RALGPS2: variants seen among roughly 807,000 people sequenced by gnomAD.
RALGPS2 encodes Ral GEF with PH domain and SH3 binding motif 2.
RALGPS2 carries 43 observed loss-of-function variants against 86.8 expected under a neutral mutation model. The ratio of observed to expected loss-of-function variants is 0.50; its 90% CI spans 0.39 to 0.64. RALGPS2 has a LOEUF of 0.64. Ranked by LOEUF, RALGPS2 falls within the 30% of genes least tolerant of loss-of-function variation. RALGPS2 has a pLI of 0.00. For missense variants in RALGPS2, 536 were observed against 694.6 expected (o/e 0.77, Z 2.57); for synonymous variants, 243 against 231.3 (o/e 1.05, Z -0.46).
chr1:178,811,332 TAGAG>T lies in RALGPS2; in HGVS notation c.319_322del (p.Glu107PhefsTer7), dbSNP rs1267664947. On this transcript the variant is annotated frameshift_variant, in exon 6 of 20. Transcript: ENST00000367635. LOFTEE classifies it high-confidence loss of function. The stretch of plus-strand genomic sequence containing the variant: ...ATTTACAGGTAAGCTTTTGGGTTGT[TAGAG>T]AGATTCTTCATGCTCAAACATTAAA... 2.6e-6 allele frequency: 4 copies of T among 1,549,664 alleles called. No individual in the cohort carries two copies. The highest frequency in any genetic ancestry group is 2.9e-5 in the African/African-American group (2 of 69,920).
At chr1:178,846,356 T>C (rs931352109) in intron 8 of RALGPS2, among the ~76,000 whole-genome samples, 1 of 152,174 alleles carries the variant, frequency 6.6e-6, no homozygotes, top group Admixed American at 6.5e-5. Context: ...TACCCTATTC[T>C]TTTAATTATA....
intron 1 of RALGPS2, among the ~76,000 whole-genome samples, chr1:178,745,085 T>A (rs1254839186): frequency 6.6e-6 from 1 of 152,210 alleles, no homozygotes; most frequent in Non-Finnish European, 1.5e-5. Context: ...TACTGTTAAT[T>A]ACACAGCATC....
chr1:178,831,703 A>G (rs1656030630), intron 7 of RALGPS2, among the ~76,000 whole-genome samples: 1 of 151,028 alleles, frequency 6.6e-6, no homozygotes, highest in Admixed American at 6.6e-5. Context: ...TATAAATATC[A>G]AAAGAAGATT....
At chr1:178,901,161 AAAG>A (rs1411642992) in intron 17 of RALGPS2, among the ~76,000 whole-genome samples, 1 of 152,032 alleles carries the variant, frequency 6.6e-6, no homozygotes, top group Non-Finnish European at 1.5e-5. Flanking sequence ...CATACATACA[AAAG>A]AAGATAGGTA....
At chr1:178,837,576 A>G (rs1023703988) in intron 8 of RALGPS2, among the ~76,000 whole-genome samples, 13 of 152,202 alleles carry the variant, frequency 8.5e-5, no homozygotes, top group Non-Finnish European at 1.8e-4. Flanking sequence ...GCCGAACAGG[A>G]ACAACTCCAG....
At chr1:178,867,214 T>G (rs927951577) in intron 8 of RALGPS2, among the ~76,000 whole-genome samples, 1 of 152,176 alleles carries the variant, frequency 6.6e-6, no homozygotes, top group African/African-American at 2.4e-5. Context: ...GGCACTGTTT[T>G]AAGCCATTTT....
intron 1 of RALGPS2, among the ~76,000 whole-genome samples, chr1:178,731,314 C>T (rs771347919): frequency 1.8e-4 from 19 of 106,846 alleles, no homozygotes; most frequent in Non-Finnish European, 2.9e-4. Context: ...GACAGAGTCT[C>T]CTCTGTCCCC....
chr1:178,783,931 A>G (rs891966836), intron 2 of RALGPS2, among the ~76,000 whole-genome samples: 1 of 152,284 alleles, frequency 6.6e-6, no homozygotes, highest in East Asian at 1.9e-4. Context: ...TATTAATTGT[A>G]CTATCACAAA....
At chr1:178,897,440 C>A (rs1659997904) in intron 16 of RALGPS2, among the ~76,000 whole-genome samples, 1 of 152,086 alleles carries the variant, frequency 6.6e-6, no homozygotes, top group Middle Eastern at 3.4e-3. Flanking sequence ...GTTAACTATT[C>A]TTTTGTAGCT....
At chr1:178,772,295 T>C (rs1652849294) in intron 1 of RALGPS2, among the ~76,000 whole-genome samples, 1 of 152,336 alleles carries the variant, frequency 6.6e-6, no homozygotes, top group East Asian at 1.9e-4. Context: ...TATGGGGTAG[T>C]CTTCTGAGTA....
chr1:178,730,366 A>T (rs1339028005), intron 1 of RALGPS2, among the ~76,000 whole-genome samples: 2 of 152,206 alleles, frequency 1.3e-5, no homozygotes, highest in African/African-American at 4.8e-5. Context: ...TCTTCCCAAT[A>T]TAGTCATGCT....
intron 1 of RALGPS2, chr1:178,746,579 G>A: frequency 1.5e-6 from 1 of 684,208 alleles, no homozygotes; most frequent in South Asian, 1.5e-5. Flanking sequence ...GCAATCTAGA[G>A]GGTTAGCGAG....
At chr1:178,747,181 G>A (rs1651385029) in intron 1 of RALGPS2, 10 of 1,090,298 alleles carry the variant, frequency 9.2e-6, no homozygotes, top group Non-Finnish European at 1.1e-5. Flanking sequence ...AGGTGCTGGA[G>A]CGTCCAGTGC....
intron 19 of RALGPS2, among the ~76,000 whole-genome samples, chr1:178,911,765 T>G (rs1032658999): frequency 1.3e-5 from 2 of 152,214 alleles, no homozygotes; most frequent in African/African-American, 4.8e-5. Flanking sequence ...CAGAACATTT[T>G]TGTTAGTTTT....
chr1:178,729,475 G>A lies in RALGPS2; in HGVS notation c.-84+4056G>A, dbSNP rs144942995. On this transcript the variant is annotated intron_variant, in intron 1 of 19. Transcript: ENST00000367635. ...GTTATTAAGTGATCAAAGGACCCCT[G>A]GTTTTGTTCCTTTTTTAAAAAAAGA... 5.9e-3 allele frequency among the ~76,000 whole-genome samples: 905 copies of A among 152,116 alleles called. 13 individuals carry two copies. Among genetic ancestry groups the A allele is most frequent in the African/African-American group, 0.021 (860 of 41,500 alleles).
At chr1:178,834,248 T>A (rs1656162370) in intron 8 of RALGPS2, among the ~76,000 whole-genome samples, 1 of 152,156 alleles carries the variant, frequency 6.6e-6, no homozygotes. Context: ...CTAGCATACA[T>A]TAAAATGAAT....
chr1:178,790,770 T>C (rs771975835), intron 4 of RALGPS2, among the ~76,000 whole-genome samples: 7 of 152,254 alleles, frequency 4.6e-5, no homozygotes, highest in Admixed American at 3.3e-4. Flanking sequence ...TGTACAGATA[T>C]TGTTTATTAT....
intron 11 of RALGPS2, among the ~76,000 whole-genome samples, chr1:178,884,381 T>C: frequency 6.6e-6 from 1 of 152,198 alleles, no homozygotes. Flanking sequence ...AAGAAATCCC[T>C]GATAAGTACC....
chr1:178,915,761 G>A (rs1660787742), intron 19 of RALGPS2, among the ~76,000 whole-genome samples: 1 of 152,124 alleles, frequency 6.6e-6, no homozygotes, highest in African/African-American at 2.4e-5. Context: ...ACTGACATAT[G>A]AATACCTCTC....
Sources: allele counts gnomAD v4.1 joint callset (sites outside exome capture counted in the v4.1 genomes callset), GRCh38; gene constraint gnomAD v4.1.1; transcripts MANE v1.5; gene names NCBI Gene and HGNC (gene_info 2026-07-23, HGNC 2026-07-21).